Variants in SGK1 observed in about 807,000 individuals in gnomAD.
The protein encoded by SGK1 is serum/glucocorticoid regulated kinase 1, also known as serine/threonine-protein kinase Sgk1.
A neutral mutation model predicts 64.2 loss-of-function variants in SGK1; 26 were observed. The observed-to-expected ratio is 0.40, with a 90% CI of 0.30 to 0.56. The LOEUF is 0.56. Among genes scored for constraint, SGK1 ranks in the 20% least tolerant of loss-of-function variants. SGK1 has a pLI of 0.38. For synonymous variants in SGK1, 265 were observed against 239.7 expected (o/e 1.11, Z -0.98); for missense variants, 519 against 645.6 (o/e 0.80, Z 2.12).
chr6:134,192,084 G>A (rs1248126035), intron 3 of SGK1, among the ~76,000 whole-genome samples: 3 of 151,316 alleles, frequency 2.0e-5, no homozygotes, highest in South Asian at 2.1e-4. Flanking sequence ...CCGCCTTGGC[G>A]TCCTAAAGTG....
At chr6:134,280,136 A>C (rs1279215003) in intron 1 of SGK1, among the ~76,000 whole-genome samples, 1 of 150,946 alleles carries the variant, frequency 6.6e-6, no homozygotes, top group Non-Finnish European at 1.5e-5. Context: ...TTGAGGCTGC[A>C]GTGAGCCACG....
At chr6:134,301,863 C>T (rs1252610850) in intron 1 of SGK1, among the ~76,000 whole-genome samples, 1 of 152,122 alleles carries the variant, frequency 6.6e-6, no homozygotes, top group African/African-American at 2.4e-5. Context: ...TCCCAAAGCA[C>T]TGGGATTATT....
intron 1 of SGK1, among the ~76,000 whole-genome samples, chr6:134,314,999 G>A (rs924533251): frequency 2.0e-5 from 3 of 152,124 alleles, no homozygotes; most frequent in African/African-American, 7.2e-5. Flanking sequence ...TAAAAGTTTG[G>A]AAAGTATAAA....
chr6:134,170,345 C>G lies in SGK1; in HGVS notation c.1504G>C (p.Val502Leu), dbSNP rs774925063. ...SIGKSPDSVL[V>L]TASVKEAAEA... Reference sequence around the variant, plus strand: ...GCAGCTTCCTTGACGCTGGCTGTGACGAGGACGCTGTCAGGGGACTTGCCA... The same window carrying G: ...GCAGCTTCCTTGACGCTGGCTGTGAGGAGGACGCTGTCAGGGGACTTGCCA... Residue 502 changes from valine (V) to leucine (L), a missense_variant, in exon 14 of 14, where the codon GTC becomes CTC. Around this residue, in one of 2 missense-constraint regions of SGK1, gnomAD observed 278 missense variants for 408.7 expected, o/e 0.68. Coordinates refer to ENST00000367858, the MANE Select transcript of SGK1 (RefSeq NM_001143676.3). 6.8e-6 allele frequency: 11 copies of G among 1,614,130 alleles called. No homozygotes were observed. The highest frequency in any genetic ancestry group is 5.5e-5 in the South Asian group (5 of 91,068).
chr6:134,225,649 T>C (rs1582725512), intron 2 of SGK1, among the ~76,000 whole-genome samples: 1 of 152,332 alleles, frequency 6.6e-6, no homozygotes, highest in African/African-American at 2.4e-5. Flanking sequence ...TTATCTCAGC[T>C]GATCCTCAGA....
At position 134,170,272 on chromosome 6, in the gene SGK1, A is replaced by G. The variant is rs1229064897; in HGVS notation, c.1577T>C (p.Leu526Pro). 14 of 1,610,896 alleles carry G rather than the reference A, an allele frequency of 8.7e-6. No individual in the cohort carries two copies. In the South Asian group the frequency reaches 1.4e-4, roughly 16 times the overall value. The stretch of plus-strand genomic sequence containing the variant: ...AAAACCAAGCCCTAACAGGGTTCAG[A>G]GGAAAGAGTCCGTGGGAGGCGCATA... ...FSYAPPTDSF[L>P] Residue 526 changes from leucine (L) to proline (P), a missense_variant, in exon 14 of 14, where the codon CTC becomes CCC. Coordinates refer to ENST00000367858, the MANE Select transcript of SGK1 (RefSeq NM_001143676.3).
chr6:134,248,965 T>A (rs1776565965), intron 2 of SGK1, among the ~76,000 whole-genome samples: 1 of 152,166 alleles, frequency 6.6e-6, no homozygotes, highest in South Asian at 2.1e-4. Flanking sequence ...ACAAACTTGG[T>A]AAATAACCAA....
chr6:134,175,904 G>T, intron 3 of SGK1: 3 of 1,075,458 alleles, frequency 2.8e-6, no homozygotes, highest in Non-Finnish European at 2.3e-6. Flanking sequence ...AAGAAAGAGG[G>T]AAAAGGGGGA....
At chr6:134,256,370 CTGTGTGTGTGTGTGTA>C (rs1459480488) in intron 2 of SGK1, among the ~76,000 whole-genome samples, 2 of 150,588 alleles carry the variant, frequency 1.3e-5, no homozygotes, top group South Asian at 2.1e-4. Context: ...GTGTGTGTGT[CTGTGTGTGTGTGTGTA>C]TGTGTGTGTG....
chr6:134,299,539 G>A (rs1337131959), intron 1 of SGK1, among the ~76,000 whole-genome samples: 2 of 152,182 alleles, frequency 1.3e-5, no homozygotes, highest in East Asian at 3.9e-4. Context: ...GCCAAGAAGT[G>A]AAGGGAGTGA....
At chr6:134,295,571 G>T (rs187014365) in intron 1 of SGK1, among the ~76,000 whole-genome samples, 23 of 152,326 alleles carry the variant, frequency 1.5e-4, no homozygotes, top group African/African-American at 3.6e-4. Context: ...GGGCATGGTG[G>T]TGCGTGCCTG....
At chr6:134,223,649 A>G (rs899736666) in intron 2 of SGK1, among the ~76,000 whole-genome samples, 2 of 152,228 alleles carry the variant, frequency 1.3e-5, no homozygotes, top group Non-Finnish European at 2.9e-5. Flanking sequence ...TTCAAGGCCA[A>G]TGGGATTATA....
At chr6:134,170,985 TCCCGGCCGG>T in intron 12 of SGK1, 29 bp downstream of exon 12, 13 of 1,613,542 alleles carry the variant, frequency 8.1e-6, no homozygotes, top group Non-Finnish European at 1.1e-5. Context: ...CTAGTGCACG[TCCCGGCCGG>T]CCCAGGAGGA....
rs55811643 is a variant in SGK1 at position 134,172,328 on chromosome 6, TGAATA to T, written c.948-17_948-13del. The T allele has an allele frequency of 0.021, 33,433 of 1,606,354 alleles. 485 individuals are homozygous for T. The highest frequency in any genetic ancestry group is 0.026 in the Non-Finnish European group (30,367 of 1,176,124). ...CTGGTTTTAAGTCTCTGTAAAAAAG[TGAATA>T]GAAAAGTAGTTGCACAAGTTAATTT... On this transcript the variant is annotated splice_polypyrimidine_tract_variant and intron_variant, in intron 9 of 13. Transcript: ENST00000367858.
At chr6:134,280,835 G>A (rs1165921914) in intron 1 of SGK1, among the ~76,000 whole-genome samples, 1 of 152,196 alleles carries the variant, frequency 6.6e-6, no homozygotes, top group Non-Finnish European at 1.5e-5. Context: ...GGGAGGCCAA[G>A]GCAGGCGGAT....
intron 1 of SGK1, among the ~76,000 whole-genome samples, chr6:134,277,011 C>T (rs1226447879): frequency 6.6e-6 from 1 of 152,072 alleles, no homozygotes; most frequent in Non-Finnish European, 1.5e-5. Flanking sequence ...GATTGTGCCA[C>T]TGCACTCCAG....
At chr6:134,190,490 T>C (rs1452839669) in intron 3 of SGK1, among the ~76,000 whole-genome samples, 2 of 152,102 alleles carry the variant, frequency 1.3e-5, no homozygotes, top group Non-Finnish European at 2.9e-5. Context: ...TTCGCCATAT[T>C]GGCTACACTG....
At chr6:134,175,446 A>C in intron 3 of SGK1, 1 of 1,304,406 alleles carries the variant, frequency 7.7e-7, no homozygotes, top group Non-Finnish European at 9.8e-7. Context: ...CGCCGCCGGG[A>C]CCCCGGCCCC....
intron 2 of SGK1, among the ~76,000 whole-genome samples, chr6:134,212,069 G>GT (rs1164285527): frequency 6.1e-5 from 9 of 147,558 alleles, no homozygotes; most frequent in Admixed American, 2.7e-4. Context: ...GTTTTTTTTG[G>GT]GGGGGACGGA....
Sources: gnomAD v4.1 joint callset for allele counts (sites outside exome capture counted in the v4.1 genomes callset) on GRCh38, gnomAD v4.1.1 for gene constraint, gnomAD v4.1.1 regional missense constraint, MANE v1.5 for transcripts, NCBI Gene and HGNC (gene_info 2026-07-23, HGNC 2026-07-21) for gene names.